SNTB1: variants seen among roughly 807,000 people sequenced by gnomAD.
The protein encoded by SNTB1 is beta-1-syntrophin.
SNTB1 carries 36 observed loss-of-function variants against 48.9 expected under a neutral mutation model. That is an observed-to-expected ratio of 0.74 (90% CI 0.56 to 0.97). SNTB1 has a LOEUF of 0.97. Among genes scored for constraint, SNTB1 ranks in the 50% least tolerant of loss-of-function variants. SNTB1 has a pLI of 0.00. For synonymous variants in SNTB1, 299 were observed against 294.6 expected, an observed-to-expected ratio of 1.01 and a Z score of -0.15; for missense variants, 786 against 703.4, an observed-to-expected ratio of 1.12 and a Z score of -1.33.
chr8:120,754,402 G>C (rs1241227282), intron 1 of SNTB1, among the ~76,000 whole-genome samples: 3 of 152,026 alleles, frequency 2.0e-5, no homozygotes, highest in African/African-American at 7.2e-5. Flanking sequence ...GGGAGGCTGA[G>C]GTAGGAGAAT....
chr8:120,551,495 G>T (rs1222408029), intron 4 of SNTB1, among the ~76,000 whole-genome samples: 1 of 151,882 alleles, frequency 6.6e-6, no homozygotes, highest in African/African-American at 2.4e-5. Context: ...AACTTTTTAA[G>T]AATCACTACT....
Position 120,541,930 on chromosome 8 carries a change from T to C in SNTB1, c.1404A>G (p.Glu468=). The change falls in exon 6 of 7, where the codon GAA becomes GAG. Residue 468 remains glutamate (E), a synonymous_variant. Transcript: ENST00000517992. ...TCTTGGGAAAGGCACCCTCCTGTGG[T>C]TCAGTGGTAATAGAAAATCCATTCT... The part of the protein sequence containing the change: ...HYENGFSITT[E]PQEGAFPKTI... The C allele has an allele frequency of 6.2e-7, 1 of 1,613,990 alleles. No homozygotes were observed. The highest frequency in any genetic ancestry group is 8.5e-7 in the Non-Finnish European group (1 of 1,179,954).
At chr8:120,720,494 A>G (rs1306443939) in intron 1 of SNTB1, among the ~76,000 whole-genome samples, 2 of 152,186 alleles carry the variant, frequency 1.3e-5, no homozygotes, top group South Asian at 2.1e-4. Flanking sequence ...CTCCCCAGAC[A>G]ACTATTGAAC....
chr8:120,794,019 G>A (rs1261207108), intron 1 of SNTB1, among the ~76,000 whole-genome samples: 2 of 151,910 alleles, frequency 1.3e-5, no homozygotes, highest in Non-Finnish European at 2.9e-5. Context: ...CCTGCAATTG[G>A]TTTAGTTATG....
chr8:120,620,462 T>A (rs1436979294), intron 3 of SNTB1, among the ~76,000 whole-genome samples: 3 of 152,068 alleles, frequency 2.0e-5, no homozygotes, highest in Admixed American at 2.0e-4. Flanking sequence ...AAGCCCCTGC[T>A]CTTCCTTCTA....
intron 5 of SNTB1, among the ~76,000 whole-genome samples, chr8:120,547,340 A>AATCCCAGC (rs1815400261): frequency 6.6e-6 from 1 of 152,174 alleles, no homozygotes; most frequent in African/African-American, 2.4e-5. Context: ...TCATGCCTGT[A>AATCCCAGC]ATCCCAGCAC....
chr8:120,609,820 G>C, intron 3 of SNTB1, among the ~76,000 whole-genome samples: 1 of 152,192 alleles, frequency 6.6e-6, no homozygotes, highest in East Asian at 1.9e-4. Context: ...TTCCAGCAGT[G>C]TTGGCCACTG....
At chr8:120,621,121 G>A (rs144816300) in intron 3 of SNTB1, among the ~76,000 whole-genome samples, 3,115 of 152,058 alleles carry the variant, frequency 0.02, 107 homozygotes, top group African/African-American at 0.072. Flanking sequence ...CACCATGCCC[G>A]GCTAATTTTT....
intron 1 of SNTB1, among the ~76,000 whole-genome samples, chr8:120,737,399 A>C (rs1184411577): frequency 6.6e-6 from 1 of 152,226 alleles, no homozygotes; most frequent in Non-Finnish European, 1.5e-5. Flanking sequence ...AAGAAATCTC[A>C]TGACTGTATA....
At chr8:120,774,175 A>G (rs1430284942) in intron 1 of SNTB1, among the ~76,000 whole-genome samples, 2 of 152,214 alleles carry the variant, frequency 1.3e-5, no homozygotes, top group African/African-American at 4.8e-5. Flanking sequence ...AAATGTGGAG[A>G]GAGTGAGCTG....
intron 1 of SNTB1, among the ~76,000 whole-genome samples, chr8:120,714,195 T>G (rs1351981321): frequency 6.6e-6 from 1 of 152,200 alleles, no homozygotes; most frequent in Non-Finnish European, 1.5e-5. Flanking sequence ...GCCTTCCACC[T>G]GTATTTCTGA....
rs752725496 is a variant in SNTB1 at position 120,575,204 on chromosome 8, G to C, written c.1018C>G (p.Gln340Glu). 5.0e-6 allele frequency: 8 copies of C among 1,614,012 alleles called. No individual in the cohort carries two copies. The highest frequency in any genetic ancestry group is 1.3e-5 in the African/African-American group (1 of 74,904). The change falls in exon 4 of 7, where the codon CAG (glutamine) becomes GAG (glutamate). Residue 340 changes from glutamine (Q) to glutamate (E), a missense_variant. Coordinates refer to ENST00000517992, the MANE Select transcript of SNTB1 (RefSeq NM_021021.4). ...AGCACAACCAGGGCTGGTTTCCACTGTTTCTTGCTCTCCCCTGGCACCTGA... is the reference window on the plus strand; with the variant it reads ...AGCACAACCAGGGCTGGTTTCCACTCTTTCTTGCTCTCCCCTGGCACCTGA... ...AEKVPGESKK[Q>E]WKPALVVLTE...
chr8:120,717,328 C>T (rs770924917), intron 1 of SNTB1, among the ~76,000 whole-genome samples: 8 of 152,104 alleles, frequency 5.3e-5, no homozygotes, highest in Admixed American at 3.9e-4. Flanking sequence ...TCAAATGGGC[C>T]GCTGTATATT....
intron 1 of SNTB1, among the ~76,000 whole-genome samples, chr8:120,760,958 CAACT>C (rs1013422391): frequency 2.6e-5 from 4 of 152,074 alleles, no homozygotes; most frequent in African/African-American, 7.2e-5. Flanking sequence ...AACAGATTTA[CAACT>C]AACAAGAGGC....
intron 2 of SNTB1, among the ~76,000 whole-genome samples, chr8:120,653,225 C>T (rs543895168): frequency 6.6e-6 from 1 of 152,258 alleles, no homozygotes; most frequent in Admixed American, 6.5e-5. Flanking sequence ...AGATGAGATC[C>T]TTATCACATT....
intron 3 of SNTB1, among the ~76,000 whole-genome samples, chr8:120,576,579 G>C (rs1815954409): frequency 6.6e-6 from 1 of 152,102 alleles, no homozygotes; most frequent in African/African-American, 2.4e-5. Flanking sequence ...GTGTGACTCT[G>C]GTCAAGATAT....
intron 2 of SNTB1, among the ~76,000 whole-genome samples, chr8:120,657,485 T>C (rs1817521723): frequency 6.6e-6 from 1 of 152,196 alleles, no homozygotes; most frequent in South Asian, 2.1e-4. Context: ...TAATCATTTA[T>C]GGATGTTTGC....
chr8:120,616,298 ATT>A (rs137921428), intron 3 of SNTB1, among the ~76,000 whole-genome samples: 53,146 of 122,290 alleles, frequency 0.43, 12,354 homozygotes, highest in Non-Finnish European at 0.59. Flanking sequence ...GATTAGCTTG[ATT>A]TTTTTTTTTT....
intron 2 of SNTB1, among the ~76,000 whole-genome samples, chr8:120,692,948 T>G (rs894196819): frequency 8.5e-5 from 13 of 152,146 alleles, no homozygotes; most frequent in African/African-American, 3.1e-4. Context: ...GGAAAGAGGT[T>G]TATTTGGCTC....
Sources: allele counts gnomAD v4.1 joint callset (sites outside exome capture counted in the v4.1 genomes callset), GRCh38; gene constraint gnomAD v4.1.1; transcripts MANE v1.5; gene names NCBI Gene and HGNC (gene_info 2026-07-23, HGNC 2026-07-21).